DENND1A: variants seen among roughly 807,000 people sequenced by gnomAD.
DENND1A encodes the protein DENN domain containing 1A.
In DENND1A, 51 loss-of-function variants were observed where a neutral mutation model predicts 113.7. The observed-to-expected ratio is 0.45, with a 90% CI of 0.36 to 0.57. The LOEUF is 0.57. Ranked by LOEUF, DENND1A falls within the 20% of genes least tolerant of loss-of-function variation. The pLI is 0.00. For synonymous variants in DENND1A, 565 were observed against 570.8 expected (o/e 0.99, Z 0.14); for missense variants, 1,258 against 1,395.9 (o/e 0.90, Z 1.57).
chr9:123,695,539 G>A (rs1245037143), intron 5 of DENND1A, among the ~76,000 whole-genome samples: 2 of 151,952 alleles, frequency 1.3e-5, no homozygotes, highest in Non-Finnish European at 2.9e-5. Flanking sequence ...GACTAATACA[G>A]CATTCTATAG....
Position 123,929,925 on chromosome 9 carries a change from G to T in DENND1A, c.-20C>A. 1 of 332,114 alleles carries T rather than the reference G, an allele frequency of 3.0e-6. No homozygotes were observed. The highest frequency in any genetic ancestry group is 6.0e-5 in the East Asian group (1 of 16,740). The allele number at this position is 332,114 out of a possible 1,614,324, so 20.6% of individuals were successfully genotyped here. On this transcript the variant is annotated 5_prime_UTR_variant, in exon 1 of 24. Coordinates refer to ENST00000394215, the MANE Select transcript of DENND1A (RefSeq NM_001352964.2). ...GCCCATGGTCCCCAGGCCTCCTCATGGGCCCGCGGGCCCCGCTCGGCGCTG... is the reference window on the plus strand; with the variant it reads ...GCCCATGGTCCCCAGGCCTCCTCATTGGCCCGCGGGCCCCGCTCGGCGCTG...
chr9:123,538,749 AGTGTGTGTGTGTGTGTGTGTGT>A (rs145062895), intron 13 of DENND1A, among the ~76,000 whole-genome samples: 2 of 91,024 alleles, frequency 2.2e-5, no homozygotes, highest in Admixed American at 1.1e-4. Flanking sequence ...TATGTGTGTG[AGTGTGTGTGTGTGTGTGTGTGT>A]GTGTGTGTGT....
Position 123,847,705 on chromosome 9 carries a change from C to T in DENND1A, c.88+31246G>A, listed in dbSNP as rs777131650. ...ATCCCAGCACTTTGGGAGGCCAAGG[C>T]GGCCAGATCACTTGAGGGCAGGAGT... On this transcript the variant is annotated intron_variant, in intron 2 of 23. Transcript: ENST00000394215. Among the ~76,000 whole-genome samples, 15 of 152,302 alleles carry T rather than the reference C, an allele frequency of 9.8e-5. No individual in the cohort carries two copies. The South Asian group carries it at 1.5e-3, about 15-fold the overall frequency.
intron 2 of DENND1A, among the ~76,000 whole-genome samples, chr9:123,804,547 C>T (rs1363003857): frequency 6.6e-5 from 10 of 152,158 alleles, no homozygotes; most frequent in African/African-American, 2.2e-4. Context: ...CCCATCACTT[C>T]AAATATGCAC....
chr9:123,762,158 G>T (rs115681664), intron 4 of DENND1A, among the ~76,000 whole-genome samples: 2 of 152,060 alleles, frequency 1.3e-5, no homozygotes, highest in African/African-American at 4.8e-5. Flanking sequence ...CTTTCAACTC[G>T]GTTTAAGGAA....
intron 6 of DENND1A, among the ~76,000 whole-genome samples, chr9:123,675,036 C>T (rs995774360): frequency 1.3e-5 from 2 of 152,188 alleles, no homozygotes; most frequent in Non-Finnish European, 2.9e-5. Flanking sequence ...AGGTGACCTC[C>T]TAACTCATTC....
At chr9:123,513,485 C>A (rs778209618) in intron 13 of DENND1A, among the ~76,000 whole-genome samples, 28 of 152,244 alleles carry the variant, frequency 1.8e-4, no homozygotes, top group Non-Finnish European at 2.8e-4. Flanking sequence ...TTAATTTTCT[C>A]AGTTGAGATC....
At chr9:123,408,527 C>A (rs1016866594) in intron 20 of DENND1A, among the ~76,000 whole-genome samples, 1 of 152,168 alleles carries the variant, frequency 6.6e-6, no homozygotes, top group African/African-American at 2.4e-5. Flanking sequence ...AGGTGAGGAT[C>A]CTGCCTAAGG....
At position 123,929,930 on chromosome 9, in the gene DENND1A, CG is replaced by C; in HGVS notation, c.-26del. ...TGGTCCCCAGGCCTCCTCATGGGCC[CG>C]CGGGCCCCGCTCGGCGCTGCGCTGC... On this transcript the variant is annotated 5_prime_UTR_variant, in exon 1 of 24. Transcript: ENST00000394215. 3.0e-6 allele frequency: 1 copy of C among 336,142 alleles called. No individual in the cohort carries two copies. The highest frequency in any genetic ancestry group is 5.5e-6 in the Non-Finnish European group (1 of 181,782). 20.8% of individuals were successfully genotyped at this position (336,142 alleles called of 1,614,324 possible).
intron 3 of DENND1A, among the ~76,000 whole-genome samples, chr9:123,788,392 G>GAT: frequency 6.6e-6 from 1 of 152,134 alleles, no homozygotes; most frequent in Non-Finnish European, 1.5e-5. Context: ...CCAAAGATGG[G>GAT]ATTTTGATGA....
At chr9:123,812,725 T>C (rs1358036719) in intron 2 of DENND1A, among the ~76,000 whole-genome samples, 1 of 152,192 alleles carries the variant, frequency 6.6e-6, no homozygotes, top group Non-Finnish European at 1.5e-5. Context: ...TAAATGACTC[T>C]TAACTACTTG....
At chr9:123,485,666 ACACACACAC>A (rs2050795916) in intron 13 of DENND1A, 1 of 27,658 alleles carries the variant, frequency 3.6e-5, no homozygotes, top group Admixed American at 5.3e-4. Context: ...GCACACACAC[ACACACACAC>A]ACACACACAC....
intron 21 of DENND1A, among the ~76,000 whole-genome samples, chr9:123,396,458 C>G (rs112458243): frequency 6.6e-6 from 1 of 152,240 alleles, no homozygotes; most frequent in East Asian, 1.9e-4. Flanking sequence ...TCTGCTGAGG[C>G]TATGCTGAGT....
intron 1 of DENND1A, among the ~76,000 whole-genome samples, chr9:123,921,706 A>T (rs941955998): frequency 6.6e-6 from 1 of 152,224 alleles, no homozygotes; most frequent in African/African-American, 2.4e-5. Context: ...TCCATTCTCA[A>T]TGCAGACTAA....
intron 9 of DENND1A, among the ~76,000 whole-genome samples, chr9:123,640,681 T>C (rs961080311): frequency 6.6e-6 from 1 of 152,226 alleles, no homozygotes; most frequent in Non-Finnish European, 1.5e-5. Context: ...ACAGAGTGAA[T>C]AGTGCGCCCA....
At chr9:123,727,903 G>A (rs1407134249) in intron 5 of DENND1A, among the ~76,000 whole-genome samples, 2 of 151,526 alleles carry the variant, frequency 1.3e-5, no homozygotes, top group African/African-American at 2.4e-5. Context: ...TCAGGAGATC[G>A]AGACCATCCT....
chr9:123,797,708 C>T (rs1006174291), intron 2 of DENND1A, among the ~76,000 whole-genome samples: 1 of 151,846 alleles, frequency 6.6e-6, no homozygotes, highest in African/African-American at 2.4e-5. Flanking sequence ...TTATATTGTT[C>T]GATTGTTAAA....
At chr9:123,751,712 A>T (rs1380766680) in intron 5 of DENND1A, 1 of 152,226 alleles carries the variant, frequency 6.6e-6, no homozygotes, top group Non-Finnish European at 1.5e-5. Context: ...CATTCTCAGC[A>T]TCCTTTCATC....
At chr9:123,730,820 G>A (rs1448648626) in intron 5 of DENND1A, among the ~76,000 whole-genome samples, 3 of 151,944 alleles carry the variant, frequency 2.0e-5, no homozygotes, top group East Asian at 1.9e-4. Flanking sequence ...TATTTATTGC[G>A]GCACTGCTCA....
Sources: allele counts gnomAD v4.1 joint callset (sites outside exome capture counted in the v4.1 genomes callset), GRCh38; gene constraint gnomAD v4.1.1; transcripts MANE v1.5; gene names NCBI Gene and HGNC (gene_info 2026-07-23, HGNC 2026-07-21).